The following PCDH15 variants were observed in gnomAD, a reference collection of about 807,000 sequenced individuals.
The protein encoded by PCDH15 is protocadherin related 15.
A neutral mutation model predicts 178.5 loss-of-function variants in PCDH15; 129 were observed. The ratio of observed to expected loss-of-function variants is 0.72; its 90% CI spans 0.63 to 0.84. PCDH15 has a LOEUF of 0.84. Ranked by LOEUF, PCDH15 falls within the 40% of genes least tolerant of loss-of-function variation. The probability of loss-of-function intolerance (pLI) is 0.00; values close to 1 mark genes in which losing one functional copy is unlikely to be tolerated. For missense variants in PCDH15, 2,230 were observed against 2,099.9 expected (o/e 1.06, Z -1.21); for synonymous variants, 800 against 732.0 (o/e 1.09, Z -1.50).
At chr10:54,203,246 T>C (rs2050435087) in intron 10 of PCDH15, among the ~76,000 whole-genome samples, 1 of 152,184 alleles carries the variant, frequency 6.6e-6, no homozygotes, top group Admixed American at 6.5e-5. Context: ...TTACCAAAGA[T>C]TGCTCGTGTG....
chr10:54,911,337 T>C (rs1209558246), intron 2 of PCDH15, among the ~76,000 whole-genome samples: 4 of 152,178 alleles, frequency 2.6e-5, no homozygotes, highest in Admixed American at 1.3e-4. Flanking sequence ...GTTATAAGTT[T>C]TAGAAATCCT....
At chr10:55,254,183 T>C (rs1188327019) in intron 1 of PCDH15, among the ~76,000 whole-genome samples, 3 of 152,158 alleles carry the variant, frequency 2.0e-5, no homozygotes, top group Non-Finnish European at 4.4e-5. Flanking sequence ...GCTTTAAAAA[T>C]CTGGTTATTT....
chr10:55,567,818 C>T (rs1483630380), intron 2 of PCDH15, among the ~76,000 whole-genome samples: 2 of 151,780 alleles, frequency 1.3e-5, no homozygotes, highest in African/African-American at 4.8e-5. Flanking sequence ...ACTTGTTACA[C>T]CGTTGGCACA....
At chr10:53,932,213 G>T in intron 25 of PCDH15, among the ~76,000 whole-genome samples, 1 of 152,256 alleles carries the variant, frequency 6.6e-6, no homozygotes, top group Non-Finnish European at 1.5e-5. Context: ...TCCAGTTTTT[G>T]CCTTTTGCAG....
At chr10:55,279,504 C>T (rs1842675083) in intron 1 of PCDH15, among the ~76,000 whole-genome samples, 1 of 152,004 alleles carries the variant, frequency 6.6e-6, no homozygotes, top group South Asian at 2.1e-4. Context: ...ACTTGATAAG[C>T]GACCGGCATA....
chr10:54,927,113 T>C (rs1667890165), intron 2 of PCDH15, among the ~76,000 whole-genome samples: 1 of 152,100 alleles, frequency 6.6e-6, no homozygotes, highest in African/African-American at 2.4e-5. Flanking sequence ...GCCTTAGCTG[T>C]GTCCTGGAGA....
chr10:54,474,484 T>TC lies in PCDH15; in HGVS notation c.157+53327dup, dbSNP rs566288289. Among the ~76,000 whole-genome samples the TC allele has an allele frequency of 5.9e-5, 9 of 152,078 alleles. No individual in the cohort carries two copies. In the East Asian group the frequency reaches 1.7e-3, roughly 29 times the overall value. On this transcript the variant is annotated intron_variant, in intron 3 of 37. Transcript: ENST00000644397. The stretch of plus-strand genomic sequence containing the variant: ...CTATGAAAGTATTTATCTCAGTAGT[T>TC]CATATGATGACGATCCTTTTTAAAT...
intron 21 of PCDH15, among the ~76,000 whole-genome samples, chr10:53,966,824 TATA>T (rs1187432355): frequency 3.3e-5 from 5 of 151,550 alleles, no homozygotes; most frequent in Non-Finnish European, 7.4e-5. Context: ...ACTAAAATAA[TATA>T]GTAAATGAGT....
intron 1 of PCDH15, among the ~76,000 whole-genome samples, chr10:55,225,786 C>T (rs1010809560): frequency 6.6e-6 from 1 of 151,982 alleles, no homozygotes; most frequent in Non-Finnish European, 1.5e-5. Context: ...ACCTAGTGAA[C>T]GTCTCCCACT....
rs538240680 is a variant in PCDH15, at chr10:54,033,669, G to A, written c.2221-10472C>T. ...ACCATCTCCATGAATTGCATTTTAT[G>A]TGATAATCTGCTTAGCCCAGGCCTT... On this transcript the variant is annotated intron_variant, in intron 18 of 37. Coordinates refer to ENST00000644397, the MANE Select transcript of PCDH15 (RefSeq NM_001384140.1). Among the ~76,000 whole-genome samples, 4 of 152,046 alleles carry A rather than the reference G, an allele frequency of 2.6e-5. No homozygotes were observed. In the South Asian group the frequency reaches 8.3e-4, roughly 32 times the overall value.
intron 2 of PCDH15, among the ~76,000 whole-genome samples, chr10:54,643,654 T>C (rs1384440388): frequency 2.0e-5 from 3 of 152,050 alleles, no homozygotes; most frequent in Admixed American, 2.0e-4. Flanking sequence ...GTTAGAGCAA[T>C]ATGTATTTGG....
intron 2 of PCDH15, among the ~76,000 whole-genome samples, chr10:55,113,806 T>C (rs1192920019): frequency 6.6e-6 from 1 of 152,154 alleles, no homozygotes; most frequent in Non-Finnish European, 1.5e-5. Context: ...TGGTGGACAA[T>C]AACCCAAGAT....
At chr10:54,018,388 T>A (rs17636887) in intron 20 of PCDH15, among the ~76,000 whole-genome samples, 26,309 of 144,718 alleles carry the variant, frequency 0.18, 2,773 homozygotes, top group Non-Finnish European at 0.25. Context: ...ACCAACAGAA[T>A]CCAAATGATA....
intron 1 of PCDH15, among the ~76,000 whole-genome samples, chr10:55,261,153 C>G (rs907919484): frequency 3.3e-5 from 5 of 152,298 alleles, no homozygotes; most frequent in Admixed American, 3.3e-4. Flanking sequence ...TCATTTAAAG[C>G]AGCAAAAGGC....
rs148574684 is a variant in PCDH15 at position 55,073,577 on chromosome 10, A to G, written c.-80+92999T>C. Among the ~76,000 whole-genome samples the G allele has an allele frequency of 5.4e-3, 817 of 152,228 alleles. 9 individuals are homozygous for G. The highest frequency in any genetic ancestry group is 0.019 in the African/African-American group (786 of 41,544). Reference sequence around the variant, plus strand: ...TATTTTGTTAAGAATTTTTACATCTATCTTCATCAGGGACATTGGCCTGTA... The same window carrying G: ...TATTTTGTTAAGAATTTTTACATCTGTCTTCATCAGGGACATTGGCCTGTA... On this transcript the variant is annotated intron_variant, in intron 2 of 5. Transcript: ENST00000458638.
chr10:54,397,759 T>C (rs1276485010), intron 3 of PCDH15, among the ~76,000 whole-genome samples: 1 of 152,020 alleles, frequency 6.6e-6, no homozygotes, highest in African/African-American at 2.4e-5. Flanking sequence ...TATGCTGATA[T>C]TCTTAAAATA....
At chr10:54,606,193 T>A (rs1262245134) in intron 2 of PCDH15, 2 of 152,094 alleles carry the variant, frequency 1.3e-5, no homozygotes, top group African/African-American at 2.4e-5. Context: ...TTGTAGCTAG[T>A]TGGTGAATGA....
intron 9 of PCDH15, among the ~76,000 whole-genome samples, chr10:54,220,229 C>T (rs1207863961): frequency 3.3e-5 from 5 of 152,130 alleles, no homozygotes; most frequent in Non-Finnish European, 5.9e-5. Context: ...CTAGTTACTA[C>T]GGTGAAAATG....
intron 1 of PCDH15, among the ~76,000 whole-genome samples, chr10:54,731,589 CACACAT>C (rs1566068067): frequency 4.0e-5 from 5 of 125,314 alleles, no homozygotes; most frequent in African/African-American, 1.4e-4. Flanking sequence ...CACACACACA[CACACAT>C]ATATATATAG....
Sources: allele counts gnomAD v4.1 joint callset (sites outside exome capture counted in the v4.1 genomes callset), GRCh38; gene constraint gnomAD v4.1.1; transcripts MANE v1.5; gene names NCBI Gene and HGNC (gene_info 2026-07-23, HGNC 2026-07-21).